CDH12: variants seen among roughly 807,000 people sequenced by gnomAD.
CDH12 encodes cadherin-12.
In CDH12, 41 loss-of-function variants were observed where a neutral mutation model predicts 74.1. That is an observed-to-expected ratio of 0.55 (90% CI 0.43 to 0.72). The LOEUF is 0.72. Among genes scored for constraint, CDH12 ranks in the 30% least tolerant of loss-of-function variants. The probability of loss-of-function intolerance (pLI) is 0.00; values close to 1 mark genes in which losing one functional copy is unlikely to be tolerated. For synonymous variants in CDH12, 399 were observed against 355.0 expected (o/e 1.12, Z -1.39); for missense variants, 945 against 977.2 (o/e 0.97, Z 0.44).
In CDH12 at chr5:22,176,814, C is replaced by T. The variant is rs372451751; in HGVS notation, c.-187+35684G>A. 3.3e-5 allele frequency among the ~76,000 whole-genome samples: 5 copies of T among 152,142 alleles called. No individual in the cohort carries two copies. The East Asian group carries it at 9.7e-4, about 29-fold the overall frequency. On this transcript the variant is annotated intron_variant, in intron 4 of 14. Coordinates refer to ENST00000382254, the MANE Select transcript of CDH12 (RefSeq NM_004061.5). ...ACTCAGAGCCCTCATAGAGTTGGGG[C>T]ACTTTCTACCTCTTTCACTTCCTCC...
At chr5:22,819,026 C>T (rs953747238) in intron 1 of CDH12, among the ~76,000 whole-genome samples, 2 of 151,952 alleles carry the variant, frequency 1.3e-5, no homozygotes, top group Non-Finnish European at 2.9e-5. Flanking sequence ...CACTGACTGA[C>T]CCACTTAATA....
chr5:22,111,134 T>C (rs1307498800), intron 4 of CDH12, among the ~76,000 whole-genome samples: 3 of 152,170 alleles, frequency 2.0e-5, no homozygotes, highest in Non-Finnish European at 2.9e-5. Flanking sequence ...AATCATTACT[T>C]TCCTTTTATT....
intron 1 of CDH12, among the ~76,000 whole-genome samples, chr5:22,636,020 G>T (rs1008637549): frequency 7.3e-5 from 11 of 151,360 alleles, no homozygotes; most frequent in Non-Finnish European, 1.6e-4. Context: ...ACTAAGAAAA[G>T]GATTACCAAA....
chr5:21,882,655 T>A lies in CDH12; in HGVS notation c.527-27865A>T, dbSNP rs1013888636. On this transcript the variant is annotated intron_variant, in intron 6 of 14. Transcript: ENST00000382254. ...CCAGGGTACTGGCTCCTCATCTCAC[T>A]CGAGCTTATGCCAAAGATGTAAAAT... The A allele has an allele frequency of 1.2e-5, 20 of 1,606,412 alleles. No homozygotes were observed. In the East Asian group the frequency reaches 4.2e-4, roughly 34 times the overall value.
At chr5:22,290,837 G>C (rs892646814) in intron 3 of CDH12, among the ~76,000 whole-genome samples, 3 of 152,042 alleles carry the variant, frequency 2.0e-5, no homozygotes, top group Admixed American at 2.0e-4. Context: ...GGCCAATAAT[G>C]AGTAAGGAAA....
At chr5:22,582,043 A>G (rs141729868) in intron 1 of CDH12, among the ~76,000 whole-genome samples, 397 of 152,250 alleles carry the variant, frequency 2.6e-3, no homozygotes, top group African/African-American at 7.7e-3. Flanking sequence ...TGCAGATTAA[A>G]GATTAAAAAA....
At chr5:22,046,981 C>T (rs1383073409) in intron 5 of CDH12, among the ~76,000 whole-genome samples, 1 of 152,108 alleles carries the variant, frequency 6.6e-6, no homozygotes, top group Non-Finnish European at 1.5e-5. Context: ...GGCTAGCTGC[C>T]CACTGTAGTC....
intron 3 of CDH12, among the ~76,000 whole-genome samples, chr5:22,340,178 T>C (rs79550213): frequency 0.033 from 5,061 of 152,208 alleles, 277 homozygotes; most frequent in African/African-American, 0.12. Context: ...CCTTGAACCT[T>C]AAATTATCAA....
intron 6 of CDH12, among the ~76,000 whole-genome samples, chr5:21,936,929 A>G (rs1755099546): frequency 6.6e-6 from 1 of 152,208 alleles, no homozygotes; most frequent in South Asian, 2.1e-4. Flanking sequence ...TTTACTTATA[A>G]GTTCAGCCAT....
At chr5:22,422,234 T>C (rs1743683713) in intron 2 of CDH12, among the ~76,000 whole-genome samples, 1 of 152,174 alleles carries the variant, frequency 6.6e-6, no homozygotes, top group Admixed American at 6.5e-5. Context: ...GAGTCATAAA[T>C]GACTCTTACT....
intron 1 of CDH12, among the ~76,000 whole-genome samples, chr5:22,688,266 T>C (rs542064722): frequency 6.6e-6 from 1 of 152,106 alleles, no homozygotes; most frequent in South Asian, 2.1e-4. Context: ...GAAAGAAAAA[T>C]TGGGATAATT....
Position 22,505,869 on chromosome 5 carries a change from G to A in CDH12, c.-522-505C>T, listed in dbSNP as rs1306354077. On this transcript the variant is annotated intron_variant, in intron 1 of 14. Transcript: ENST00000382254. ...TTTCTCATGATTAGACTGGGGTTAT[G>A]GTTTTTTGGGAGGAGGACCATAAAG... Among the ~76,000 whole-genome samples the A allele has an allele frequency of 5.9e-5, 9 of 152,172 alleles. 1 individual carries two copies. In the South Asian group the frequency reaches 1.7e-3, roughly 28 times the overall value.
chr5:22,652,894 G>T (rs1314651030), intron 1 of CDH12, among the ~76,000 whole-genome samples: 1 of 152,058 alleles, frequency 6.6e-6, no homozygotes, highest in African/African-American at 2.4e-5. Flanking sequence ...ATTGAGACTG[G>T]TTATTTCATG....
chr5:22,610,830 T>C (rs888943928), intron 1 of CDH12, among the ~76,000 whole-genome samples: 5 of 152,078 alleles, frequency 3.3e-5, no homozygotes, highest in Non-Finnish European at 1.5e-5. Flanking sequence ...TCACTTTCTA[T>C]ATATGTTGGT....
intron 4 of CDH12, among the ~76,000 whole-genome samples, chr5:22,107,762 C>G (rs998148708): frequency 1.3e-5 from 2 of 152,052 alleles, no homozygotes; most frequent in Non-Finnish European, 2.9e-5. Context: ...CGTGAATACA[C>G]TATAATCTAC....
intron 4 of CDH12, among the ~76,000 whole-genome samples, chr5:22,146,304 TA>T (rs201818822): frequency 1.3e-5 from 2 of 152,030 alleles, no homozygotes; most frequent in African/African-American, 2.4e-5. Context: ...AACATGGCCT[TA>T]AAAAAGGTTA....
intron 6 of CDH12, among the ~76,000 whole-genome samples, chr5:21,965,623 A>C (rs1429062823): frequency 6.6e-6 from 1 of 151,340 alleles, no homozygotes; most frequent in African/African-American, 2.4e-5. Context: ...TTCAAGTGTC[A>C]GTTTCTTGGT....
chr5:21,787,896 A>G (rs1746282228), intron 10 of CDH12, among the ~76,000 whole-genome samples: 1 of 152,194 alleles, frequency 6.6e-6, no homozygotes, highest in African/African-American at 2.4e-5. Context: ...ATTTCTCAAA[A>G]TACTTCTTTA....
intron 6 of CDH12, among the ~76,000 whole-genome samples, chr5:21,941,526 C>T (rs1431841520): frequency 3.8e-4 from 58 of 151,342 alleles, no homozygotes; most frequent in Non-Finnish European, 4.4e-5. Flanking sequence ...CTGGTCATTC[C>T]CATTAAGAAA....
Sources: allele counts gnomAD v4.1 joint callset (sites outside exome capture counted in the v4.1 genomes callset), GRCh38; gene constraint gnomAD v4.1.1; transcripts MANE v1.5; gene names NCBI Gene and HGNC (gene_info 2026-07-23, HGNC 2026-07-21).